The following COL25A1 variants were observed in gnomAD, a reference collection of about 807,000 sequenced individuals.
COL25A1 encodes collagen alpha-1(XXV) chain.
In COL25A1, 103 loss-of-function variants were observed where a neutral mutation model predicts 128.4. The observed-to-expected ratio is 0.80, with a 90% CI of 0.68 to 0.94. The LOEUF (loss-of-function observed/expected upper bound fraction) is 0.94. COL25A1 is among the 40% of genes least tolerant of loss of function. COL25A1 has a pLI of 0.00. For missense variants in COL25A1, 745 were observed against 840.0 expected (o/e 0.89, Z 1.40); for synonymous variants, 279 against 277.2 (o/e 1.01, Z -0.06).
intron 20 of COL25A1, among the ~76,000 whole-genome samples, chr4:108,865,522 A>G (rs576908608): frequency 2.0e-5 from 3 of 152,320 alleles, no homozygotes; most frequent in South Asian, 4.1e-4. Context: ...CCCAGAAATG[A>G]AAAGAGTTTT....
intron 3 of COL25A1, among the ~76,000 whole-genome samples, chr4:109,254,509 A>ATATATACATATATATATATATATGTG (rs59126671): frequency 9.6e-6 from 1 of 104,534 alleles, no homozygotes; most frequent in African/African-American, 3.7e-5. Context: ...ATATATATGT[A>ATATATACATATATATATATATATGTG]TGTGTGTATA....
chr4:108,876,243 A>G (rs539753655), intron 19 of COL25A1, among the ~76,000 whole-genome samples: 52 of 151,490 alleles, frequency 3.4e-4, no homozygotes, highest in African/African-American at 1.2e-3. Flanking sequence ...CTAAGGTGAG[A>G]GAGAATAGTA....
rs75067697 is a variant in COL25A1 at position 109,173,417 on chromosome 4, A to G, written c.368-123238T>C. 5.7e-3 allele frequency among the ~76,000 whole-genome samples: 867 copies of G among 152,308 alleles called. 11 individuals are homozygous for G. Among genetic ancestry groups the G allele is most frequent in the African/African-American group, 0.02 (822 of 41,572 alleles). The stretch of plus-strand genomic sequence containing the variant: ...CTTCCTGATGAATTAAATGACCTTC[A>G]GTTAGATTCCTGACTGATATATTAT... On this transcript the variant is annotated intron_variant, in intron 3 of 37. Transcript: ENST00000399132.
intron 5 of COL25A1, among the ~76,000 whole-genome samples, chr4:109,031,151 G>A (rs753912795): frequency 1.3e-5 from 2 of 151,724 alleles, no homozygotes; most frequent in African/African-American, 2.4e-5. Context: ...AATACCTGTC[G>A]CCCAGGCTGG....
At chr4:108,940,339 G>T (rs1209809013) in intron 10 of COL25A1, among the ~76,000 whole-genome samples, 200 bp downstream of exon 10, 1 of 152,046 alleles carries the variant, frequency 6.6e-6, no homozygotes, top group African/African-American at 2.4e-5. Flanking sequence ...AATGCAGCTG[G>T]GAGTGCCCTG....
rs1210222388 is a variant in COL25A1 at position 109,121,680 on chromosome 4, C to T, written c.368-71501G>A. ...CTCTCATTCATTGCTTGTGGGAATGCCAAATGATACAGCCACTTTGGAAGA... is the reference window on the plus strand; with the variant it reads ...CTCTCATTCATTGCTTGTGGGAATGTCAAATGATACAGCCACTTTGGAAGA... On this transcript the variant is annotated intron_variant, in intron 3 of 37. Transcript: ENST00000399132. 9.2e-5 allele frequency among the ~76,000 whole-genome samples: 14 copies of T among 152,140 alleles called. No homozygotes were observed. In the East Asian group the frequency reaches 2.1e-3, roughly 23 times the overall value.
At chr4:109,258,658 C>T (rs1160383364) in intron 3 of COL25A1, among the ~76,000 whole-genome samples, 1 of 152,070 alleles carries the variant, frequency 6.6e-6, no homozygotes, top group Non-Finnish European at 1.5e-5. Flanking sequence ...ATAAATGTTA[C>T]TAACAATAAT....
At chr4:108,844,421 C>T in intron 30 of COL25A1, 98 bp downstream of exon 30, 1 of 1,603,750 alleles carries the variant, frequency 6.2e-7, no homozygotes, top group South Asian at 1.1e-5. Flanking sequence ...GAGAGTAGTA[C>T]AAAATACAAG....
chr4:109,037,392 G>A (rs1759454598), intron 5 of COL25A1, among the ~76,000 whole-genome samples: 1 of 152,150 alleles, frequency 6.6e-6, no homozygotes, highest in Non-Finnish European at 1.5e-5. Context: ...CCAGGAGGAG[G>A]GGAGCTCACA....
intron 3 of COL25A1, among the ~76,000 whole-genome samples, chr4:109,164,231 T>C (rs1326018362): frequency 2.0e-5 from 3 of 152,162 alleles, no homozygotes; most frequent in Non-Finnish European, 2.9e-5. Context: ...CATGATTTTT[T>C]CCTTTTCCTA....
chr4:109,108,342 C>G (rs542084156), intron 3 of COL25A1, among the ~76,000 whole-genome samples: 1 of 152,084 alleles, frequency 6.6e-6, no homozygotes, highest in African/African-American at 2.4e-5. Context: ...CATCCATGTC[C>G]CTACAAAGGA....
intron 22 of COL25A1, 76 bp from the exon 23 acceptor site, chr4:108,861,047 G>T: frequency 1.6e-6 from 2 of 1,263,838 alleles, no homozygotes; most frequent in Non-Finnish European, 2.3e-6. Flanking sequence ...ACATGTTTAT[G>T]CCATACAGAA....
chr4:108,852,928 G>A lies in COL25A1; in HGVS notation c.1321-3C>T, dbSNP rs1158541995. 1 of 1,609,846 alleles carries A rather than the reference G, an allele frequency of 6.2e-7. No individual in the cohort carries two copies. The highest frequency in any genetic ancestry group is 1.7e-5 in the Admixed American group (1 of 59,312). ...GTGACAGTTAAGGTGGTAATCCTCT[G>A]TTGGGAAAATGTGTTGACAAAGACA... is the stretch of plus-strand genomic sequence containing the variant. On this transcript the variant is annotated splice_region_variant and splice_polypyrimidine_tract_variant and intron_variant, in intron 24 of 37. Transcript: ENST00000399132.
chr4:108,961,421 A>C (rs572565455), intron 8 of COL25A1, among the ~76,000 whole-genome samples: 4 of 152,346 alleles, frequency 2.6e-5, no homozygotes, highest in African/African-American at 9.6e-5. Flanking sequence ...GATAATTCTT[A>C]ATATAAGAAG....
chr4:109,106,328 C>A (rs184960424), intron 3 of COL25A1, among the ~76,000 whole-genome samples: 2 of 152,116 alleles, frequency 1.3e-5, no homozygotes, highest in East Asian at 3.8e-4. Context: ...AACTTTCCCA[C>A]CAACTACACT....
At chr4:108,836,321 C>T (rs2125739730) in intron 31 of COL25A1, among the ~76,000 whole-genome samples, 1 of 152,254 alleles carries the variant, frequency 6.6e-6, no homozygotes, top group East Asian at 1.9e-4. Flanking sequence ...TTAAATAAAT[C>T]AGATTGAAAG....
rs77923743 is a variant in COL25A1 at position 108,885,299 on chromosome 4, C to G, written c.976-1077G>C. ...AATATTACTTTCAAATTATGAAGCA[C>G]CATAGTTTGTTCTGGTGTTATCACA... On this transcript the variant is annotated intron_variant, in intron 18 of 37. Transcript: ENST00000399132. Among the ~76,000 whole-genome samples, 695 of 152,256 alleles carry G rather than the reference C, an allele frequency of 4.6e-3. 14 individuals carry two copies. The East Asian group carries it at 0.062, about 14-fold the overall frequency.
intron 6 of COL25A1, among the ~76,000 whole-genome samples, chr4:109,005,534 A>C (rs1476870716): frequency 6.6e-6 from 1 of 152,224 alleles, no homozygotes; most frequent in Non-Finnish European, 1.5e-5. Flanking sequence ...TTATTTTCCC[A>C]GCCTAATCCA....
At chr4:109,042,017 T>C (rs1309131430) in intron 5 of COL25A1, among the ~76,000 whole-genome samples, 2 of 152,092 alleles carry the variant, frequency 1.3e-5, no homozygotes, top group African/African-American at 4.8e-5. Flanking sequence ...TGCAAAAAAA[T>C]TGTCAATATT....
Sources: gnomAD v4.1 joint callset for allele counts (sites outside exome capture counted in the v4.1 genomes callset) on GRCh38, gnomAD v4.1.1 for gene constraint, MANE v1.5 for transcripts, NCBI Gene and HGNC (gene_info 2026-07-23, HGNC 2026-07-21) for gene names.